ZFX: variants seen among roughly 807,000 people sequenced by gnomAD.
The protein encoded by ZFX is zinc finger protein X-linked, also known as zinc finger X-chromosomal protein.
For synonymous variants in ZFX, 196 were observed against 226.8 expected (o/e 0.86, Z 1.22); for missense variants, 362 against 628.3 (o/e 0.58, Z 4.53).
At chrX:24,161,998 C>T (rs749332937) in intron 3 of ZFX, among the ~76,000 whole-genome samples, 20 of 107,903 alleles carry the variant, frequency 1.9e-4, no homozygotes, top group African/African-American at 6.7e-4. Context: ...TTGCACCTGG[C>T]CCTAATGTAA....
intron 1 of ZFX, among the ~76,000 whole-genome samples, chrX:24,151,170 A>G (rs1932068152): frequency 8.9e-6 from 1 of 112,334 alleles, no homozygotes; most frequent in African/African-American, 3.2e-5. Context: ...CTCGGAGCCT[A>G]CTGTTAGCGA....
intron 5 of ZFX, among the ~76,000 whole-genome samples, chrX:24,206,450 C>T (rs144160316): frequency 0.056 from 6,142 of 109,125 alleles, 507 homozygotes; most frequent in African/African-American, 0.2. Flanking sequence ...GATCCTCCCA[C>T]CTCAGCCTCC....
intron 5 of ZFX, among the ~76,000 whole-genome samples, chrX:24,185,817 A>T (rs1363218033): frequency 9.0e-6 from 1 of 111,186 alleles, no homozygotes; most frequent in African/African-American, 3.3e-5. Flanking sequence ...TGTAATCGCA[A>T]CACTTTGGGA....
intron 5 of ZFX, among the ~76,000 whole-genome samples, chrX:24,196,629 C>G (rs187762005): frequency 3.8e-4 from 42 of 110,301 alleles, no homozygotes; most frequent in African/African-American, 1.4e-3. Context: ...GGATCTTGCT[C>G]TGTTGCCCAG....
At chrX:24,168,262 C>G (rs1318860225) in intron 3 of ZFX, among the ~76,000 whole-genome samples, 2 of 112,281 alleles carry the variant, frequency 1.8e-5, no homozygotes, top group African/African-American at 6.5e-5. Flanking sequence ...AAATTTAGTT[C>G]TCTGAGTGTG....
rs59558208 is a variant in ZFX, at chrX:24,214,697, A to AT, written c.*3327dup. The AT allele has an allele frequency of 0.078, 8,740 of 111,635 alleles. 295 individuals are homozygous for AT. The highest frequency in any genetic ancestry group is 0.15 in the Middle Eastern group (32 of 217). 9.2% of individuals were successfully genotyped at this position (111,635 alleles called of 1,213,427 possible). ...TTTGATGAGCATGTCCTTGGAATTC[A>AT]TTTTTTCTTTTATCTTCATAAAGGA... On this transcript the variant is annotated 3_prime_UTR_variant, in exon 10 of 10. Coordinates refer to ENST00000304543, the MANE Select transcript of ZFX (RefSeq NM_003410.4).
chrX:24,207,564 GTC>G, intron 6 of ZFX, 89 bp downstream of exon 6: 1 of 1,139,120 alleles, frequency 8.8e-7, no homozygotes, highest in Non-Finnish European at 1.2e-6. Flanking sequence ...AACATTTGGA[GTC>G]TCTTCTGAAG....
intron 5 of ZFX, among the ~76,000 whole-genome samples, chrX:24,195,680 G>A (rs1027314931): frequency 9.0e-6 from 1 of 111,586 alleles, no homozygotes; most frequent in African/African-American, 3.3e-5. Context: ...TGTAGTTCTA[G>A]TAGAGACGTT....
At chrX:24,163,258 C>CTTT (rs57785204) in intron 3 of ZFX, among the ~76,000 whole-genome samples, 1 of 48,161 alleles carries the variant, frequency 2.1e-5, no homozygotes, top group Non-Finnish European at 3.7e-5. Context: ...CATGGATGTG[C>CTTT]TTTTTTTTTT....
At position 24,150,340 on chromosome X, in the gene ZFX, G is replaced by GGCGGCA. The variant is rs1298119007; in HGVS notation, c.-250+552_-250+557dup. On this transcript the variant is annotated intron_variant, in intron 1 of 9. Transcript: ENST00000304543. ...GAGGGGGGGTGGGAGAGCGGGCGGC[G>GGCGGCA]GCGGCAGCGGCGCCGGTGACGGGCC... is the stretch of plus-strand genomic sequence containing the variant. Among the ~76,000 whole-genome samples, 4 of 109,840 alleles carry GGCGGCA rather than the reference G, an allele frequency of 3.6e-5. No individual in the cohort carries two copies. In the South Asian group the frequency reaches 1.1e-3, roughly 31 times the overall value.
rs751936008 is a variant in ZFX, at chrX:24,179,699, A to G, written c.575A>G (p.Asp192Gly). The change falls in exon 5 of 10, where the codon GAT (aspartate) becomes GGT (glycine). Residue 192 changes from aspartate to glycine, a missense_variant. Coordinates refer to ENST00000304543, the MANE Select transcript of ZFX (RefSeq NM_003410.4). ...VADCASEAVIDANGIPVDQQD... is the reference protein window; with the variant it reads ...VADCASEAVIGANGIPVDQQD... ...GACTGTGCCTCTGAAGCAGTCATAG[A>G]TGCCAATGGGATCCCTGTGGACCAG... 8.3e-6 allele frequency: 10 copies of G among 1,209,788 alleles called. No individual in the cohort carries two copies. Among genetic ancestry groups the G allele is most frequent in the Non-Finnish European group, 1.1e-5 (10 of 895,330 alleles).
chrX:24,165,451 C>G (rs1350990325), intron 3 of ZFX, among the ~76,000 whole-genome samples: 2 of 112,511 alleles, frequency 1.8e-5, no homozygotes, highest in Non-Finnish European at 3.8e-5. Context: ...AGACATATTG[C>G]TCATTGAGAA....
chrX:24,184,494 G>GA (rs1294679990), intron 5 of ZFX, among the ~76,000 whole-genome samples: 3 of 110,318 alleles, frequency 2.7e-5, no homozygotes, highest in Admixed American at 9.7e-5. Context: ...GGAAGTCATT[G>GA]AAAAAAACCC....
At chrX:24,207,674 A>T in intron 6 of ZFX, 38 bp from the exon 7 acceptor site, 3 of 1,190,855 alleles carry the variant, frequency 2.5e-6, no homozygotes, top group Non-Finnish European at 3.4e-6. Flanking sequence ...GCAGTTTTCA[A>T]ATAAATTATT....
At chrX:24,151,577 C>T (rs1932136746) in intron 1 of ZFX, 114 bp from the exon 2 acceptor site, 1 of 111,803 alleles carries the variant, frequency 8.9e-6, no homozygotes, top group Non-Finnish European at 1.9e-5. Flanking sequence ...GCTTGCTTGC[C>T]AGGTGGAGGG....
At chrX:24,175,027 A>G (rs1207113404) in intron 4 of ZFX, among the ~76,000 whole-genome samples, 2 of 112,053 alleles carry the variant, frequency 1.8e-5, no homozygotes, top group Non-Finnish European at 3.8e-5. Flanking sequence ...TTGAATCTCT[A>G]AATCCAGTGG....
chrX:24,189,573 T>C (rs1368109373), intron 5 of ZFX, among the ~76,000 whole-genome samples: 1 of 112,293 alleles, frequency 8.9e-6, no homozygotes, highest in Admixed American at 9.4e-5. Flanking sequence ...CAACACAATC[T>C]GATAGTTGAT....
chrX:24,200,741 T>C (rs1937241476), intron 5 of ZFX, among the ~76,000 whole-genome samples: 1 of 111,696 alleles, frequency 9.0e-6, no homozygotes, highest in African/African-American at 3.3e-5. Context: ...AAGGTCTGAG[T>C]TCTAAAGACA....
intron 5 of ZFX, among the ~76,000 whole-genome samples, chrX:24,183,590 A>C (rs1209761161): frequency 8.9e-6 from 1 of 111,850 alleles, no homozygotes; most frequent in Non-Finnish European, 1.9e-5. Context: ...ATGACACCAC[A>C]AGTGGAAAAT....
Sources: gnomAD v4.1 joint callset for allele counts (sites outside exome capture counted in the v4.1 genomes callset) on GRCh38, gnomAD v4.1.1 for gene constraint, MANE v1.5 for transcripts, NCBI Gene and HGNC (gene_info 2026-07-23, HGNC 2026-07-21) for gene names.